Variants in CDH13 observed in about 807,000 individuals in gnomAD.
CDH13 encodes cadherin-13.
In CDH13, 24 loss-of-function variants were observed where a neutral mutation model predicts 63.8. That is an observed-to-expected ratio of 0.38 (90% CI 0.27 to 0.53). The LOEUF is 0.53. CDH13 is among the 20% of genes least tolerant of loss of function. CDH13 has a pLI of 0.85. For synonymous variants in CDH13, 503 were observed against 355.3 expected (o/e 1.42, Z -4.67); for missense variants, 1,049 against 903.1 (o/e 1.16, Z -2.07).
intron 2 of CDH13, among the ~76,000 whole-genome samples, chr16:82,924,879 C>T (rs1002762537): frequency 6.6e-6 from 1 of 151,998 alleles, no homozygotes; most frequent in Non-Finnish European, 1.5e-5. Context: ...CTCGTTAAAG[C>T]TGGTAATTCT....
At chr16:83,652,928 C>T (rs547663953) in intron 8 of CDH13, among the ~76,000 whole-genome samples, 1 of 152,200 alleles carries the variant, frequency 6.6e-6, no homozygotes, top group Admixed American at 6.5e-5. Flanking sequence ...AATGGAGAAA[C>T]AAAACATGGT....
intron 6 of CDH13, among the ~76,000 whole-genome samples, chr16:83,362,415 C>G (rs79099879): frequency 0.019 from 2,914 of 152,306 alleles, 104 homozygotes; most frequent in African/African-American, 0.066. Context: ...GACATTTAGA[C>G]ACCTTTTGTC....
At chr16:83,604,798 ATGAATCTG>A (rs1220952655) in intron 8 of CDH13, among the ~76,000 whole-genome samples, 8 of 152,246 alleles carry the variant, frequency 5.3e-5, no homozygotes, top group Non-Finnish European at 1.2e-4. Context: ...AAATATGAAG[ATGAATCTG>A]TGTTACCAGC....
intron 2 of CDH13, among the ~76,000 whole-genome samples, chr16:82,907,483 T>G (rs1567650537): frequency 6.6e-6 from 1 of 152,178 alleles, no homozygotes; most frequent in Non-Finnish European, 1.5e-5. Context: ...CTATGAAATA[T>G]CCAAACTGTC....
chr16:82,841,760 T>C (rs369052131), intron 1 of CDH13, among the ~76,000 whole-genome samples: 2 of 152,248 alleles, frequency 1.3e-5, no homozygotes, highest in African/African-American at 4.8e-5. Flanking sequence ...ATGAAGGTCC[T>C]ACAAAAATTC....
chr16:83,209,361 T>A (rs1461399882), intron 4 of CDH13, among the ~76,000 whole-genome samples: 7 of 152,144 alleles, frequency 4.6e-5, no homozygotes, highest in African/African-American at 1.4e-4. Flanking sequence ...CTCCCAGATT[T>A]CCTAGCTTGG....
At chr16:82,839,533 T>C (rs746779135) in intron 1 of CDH13, among the ~76,000 whole-genome samples, 2 of 152,200 alleles carry the variant, frequency 1.3e-5, no homozygotes, top group Non-Finnish European at 2.9e-5. Context: ...TCTCCCTAAC[T>C]GGAACCCAGC....
At chr16:83,695,551 C>T (rs369086853) in intron 10 of CDH13, among the ~76,000 whole-genome samples, 1 of 152,106 alleles carries the variant, frequency 6.6e-6, no homozygotes, top group Admixed American at 6.6e-5. Flanking sequence ...AAACTGTGAC[C>T]CTTTCACCCA....
At chr16:83,215,767 A>C (rs1342307320) in intron 4 of CDH13, among the ~76,000 whole-genome samples, 1 of 152,114 alleles carries the variant, frequency 6.6e-6, no homozygotes, top group Non-Finnish European at 1.5e-5. Flanking sequence ...GTTCGTTTGT[A>C]ATTTGGTGAC....
intron 1 of CDH13, among the ~76,000 whole-genome samples, chr16:82,762,833 G>A (rs1354574941): frequency 6.6e-6 from 1 of 152,136 alleles, no homozygotes; most frequent in East Asian, 1.9e-4. Flanking sequence ...CTCATGCTTG[G>A]GGATGCCAGG....
chr16:82,818,692 C>A (rs956879316), intron 1 of CDH13, among the ~76,000 whole-genome samples: 4 of 151,682 alleles, frequency 2.6e-5, no homozygotes, highest in African/African-American at 4.8e-5. Context: ...GGGCATTTTC[C>A]AAAAAAAAGG....
chr16:83,661,833 G>A (rs1913471228), intron 8 of CDH13, among the ~76,000 whole-genome samples: 1 of 152,194 alleles, frequency 6.6e-6, no homozygotes, highest in South Asian at 2.1e-4. Context: ...TCAGAGAAGT[G>A]TGCCCTGAGG....
At chr16:83,203,393 A>G (rs942908378) in intron 4 of CDH13, among the ~76,000 whole-genome samples, 15 of 152,056 alleles carry the variant, frequency 9.9e-5, no homozygotes, top group Non-Finnish European at 1.9e-4. Flanking sequence ...GTAAAATAAG[A>G]TTTAAAAATA....
chr16:83,629,206 C>T (rs917873261), intron 8 of CDH13, among the ~76,000 whole-genome samples: 8 of 152,170 alleles, frequency 5.3e-5, no homozygotes, highest in Non-Finnish European at 1.2e-4. Flanking sequence ...ATGTTTCATA[C>T]CTGCACAATT....
chr16:82,779,372 G>A (rs901289917), intron 1 of CDH13, among the ~76,000 whole-genome samples: 10 of 152,132 alleles, frequency 6.6e-5, no homozygotes, highest in African/African-American at 4.8e-5. Flanking sequence ...AGCAGAGGCC[G>A]CTTTGAGAAT....
intron 7 of CDH13, among the ~76,000 whole-genome samples, chr16:83,509,874 T>C (rs1023026705): frequency 1.3e-5 from 2 of 152,186 alleles, no homozygotes; most frequent in African/African-American, 4.8e-5. Flanking sequence ...AGGAGTAAAT[T>C]AAGCTCAGAG....
chr16:83,737,254 G>A (rs1911626240), intron 10 of CDH13, among the ~76,000 whole-genome samples: 1 of 152,160 alleles, frequency 6.6e-6, no homozygotes, highest in Admixed American at 6.5e-5. Context: ...AGCGCTGTTA[G>A]ACTCAAGTTC....
At chr16:83,025,653 A>G (rs542020103) in intron 2 of CDH13, among the ~76,000 whole-genome samples, 5 of 152,272 alleles carry the variant, frequency 3.3e-5, no homozygotes, top group African/African-American at 9.6e-5. Context: ...GGTTTGCCCA[A>G]CGTCACAGGG....
At chr16:83,383,689 G>A (rs1474335782) in intron 6 of CDH13, among the ~76,000 whole-genome samples, 3 of 152,094 alleles carry the variant, frequency 2.0e-5, no homozygotes, top group Non-Finnish European at 4.4e-5. Context: ...GTCATATTTG[G>A]CCAGGGGGAG....
Sources: gnomAD v4.1 joint callset for allele counts (sites outside exome capture counted in the v4.1 genomes callset) on GRCh38, gnomAD v4.1.1 for gene constraint, MANE v1.5 for transcripts, NCBI Gene and HGNC (gene_info 2026-07-23, HGNC 2026-07-21) for gene names.